Variants in SUGCT observed in about 807,000 individuals in gnomAD.
SUGCT encodes the protein succinyl-CoA:glutarate-CoA transferase.
Under a neutral mutation model 55.0 loss-of-function variants are expected in SUGCT, and 41 were observed. The ratio of observed to expected loss-of-function variants is 0.74; its 90% CI spans 0.58 to 0.97. SUGCT has a LOEUF of 0.97. Ranked by LOEUF, SUGCT falls within the 50% of genes least tolerant of loss-of-function variation. The probability of loss-of-function intolerance (pLI) is 0.00; values close to 1 mark genes in which losing one functional copy is unlikely to be tolerated. For synonymous variants in SUGCT, 187 were observed against 200.4 expected (o/e 0.93, Z 0.56); for missense variants, 568 against 547.8 (o/e 1.04, Z -0.37).
intron 9 of SUGCT, among the ~76,000 whole-genome samples, chr7:40,416,916 G>C: frequency 6.6e-6 from 1 of 151,954 alleles, no homozygotes; most frequent in South Asian, 2.1e-4. Context: ...GGCTTTAATT[G>C]CCTTGATAAT....
At chr7:40,273,590 C>T (rs1030196848) in intron 7 of SUGCT, among the ~76,000 whole-genome samples, 1 of 151,984 alleles carries the variant, frequency 6.6e-6, no homozygotes, top group Non-Finnish European at 1.5e-5. Flanking sequence ...TACATATGGG[C>T]CAAGGATTGG....
chr7:40,873,864 C>T, the SUGCT span, among the ~76,000 whole-genome samples: 1 of 152,154 alleles, frequency 6.6e-6, no homozygotes, highest in Non-Finnish European at 1.5e-5. Context: ...TAAGAAATGC[C>T]AGTGTTGTTG....
chr7:40,899,005 G>T, the SUGCT span, among the ~76,000 whole-genome samples: 1 of 152,124 alleles, frequency 6.6e-6, no homozygotes, highest in African/African-American at 2.4e-5. Context: ...CTACAGCCAC[G>T]TCCGGCTCTT....
At chr7:40,886,724 C>A in the SUGCT span, among the ~76,000 whole-genome samples, 1 of 152,156 alleles carries the variant, frequency 6.6e-6, no homozygotes, top group African/African-American at 2.4e-5. Context: ...TTATTAACTC[C>A]AACAGGCAAG....
chr7:40,404,209 T>A lies in SUGCT; in HGVS notation c.817-45078T>A, dbSNP rs565524184. ...GTGACTTTGAGCAAGTTGCCCAGTT[T>A]TGCTGGGCTTCAGTTTCCTCATCAG... is the stretch of plus-strand genomic sequence containing the variant. On this transcript the variant is annotated intron_variant, in intron 9 of 13. Coordinates refer to ENST00000335693, the MANE Select transcript of SUGCT (RefSeq NM_001193313.2). 1.2e-3 allele frequency among the ~76,000 whole-genome samples: 189 copies of A among 152,300 alleles called. 1 individual carries two copies. Among genetic ancestry groups the A allele is most frequent in the African/African-American group, 4.3e-3 (180 of 41,564 alleles).
Position 40,237,644 on chromosome 7 carries a change from A to G in SUGCT, c.494A>G (p.Gln165Arg). The G allele has an allele frequency of 1.2e-6, 2 of 1,613,898 alleles. No individual in the cohort carries two copies. The highest frequency in any genetic ancestry group is 1.7e-6 in the Non-Finnish European group (2 of 1,179,808). ...IIYCSITGYG[Q>R]TGPISQRAGY... Reference sequence around the variant, plus strand: ...ATTTTTGTTGTTTTAGGGTATGGTCAGACAGGTCCAATTTCTCAGCGAGCT... The same window carrying G: ...ATTTTTGTTGTTTTAGGGTATGGTCGGACAGGTCCAATTTCTCAGCGAGCT... The change falls in exon 7 of 14, where the codon CAG becomes CGG. Residue 165 changes from glutamine (Q) to arginine (R), a missense_variant. Transcript: ENST00000335693.
intron 12 of SUGCT, among the ~76,000 whole-genome samples, chr7:40,660,442 A>G (rs756769533): frequency 4.6e-5 from 7 of 152,102 alleles, no homozygotes; most frequent in Admixed American, 6.5e-5. Flanking sequence ...TATTTTTAGT[A>G]GAGACGGGGT....
intron 9 of SUGCT, among the ~76,000 whole-genome samples, chr7:40,427,719 A>G (rs986579856): frequency 5.3e-5 from 8 of 152,118 alleles, no homozygotes; most frequent in African/African-American, 1.9e-4. Flanking sequence ...AGGAATTCCT[A>G]TGGAGCAAGA....
chr7:40,358,717 A>AAACAACAACAAC (rs71560193), intron 9 of SUGCT, among the ~76,000 whole-genome samples: 5,250 of 150,730 alleles, frequency 0.035, 153 homozygotes, highest in African/African-American at 0.065. Flanking sequence ...TCCATCTCAA[A>AAACAACAACAAC]AACAACAACA....
At chr7:40,266,195 T>TTTG (rs1472932954) in intron 7 of SUGCT, among the ~76,000 whole-genome samples, 1 of 147,586 alleles carries the variant, frequency 6.8e-6, no homozygotes, top group African/African-American at 2.5e-5. Flanking sequence ...CTTTTTTTTT[T>TTTG]TTTTTTGAGG....
At chr7:40,946,619 G>A in the SUGCT span, among the ~76,000 whole-genome samples, 1 of 151,998 alleles carries the variant, frequency 6.6e-6, no homozygotes, top group Non-Finnish European at 1.5e-5. Flanking sequence ...TGTCTTTTAG[G>A]GCAGGTTTGC....
At chr7:41,023,286 C>T in the SUGCT span, among the ~76,000 whole-genome samples, 1 of 152,112 alleles carries the variant, frequency 6.6e-6, no homozygotes, top group South Asian at 2.1e-4. Context: ...ATTACCACAG[C>T]AGAGCATAGC....
rs1396184005 is a variant in SUGCT at position 40,555,324 on chromosome 7, T to A, written c.1089+58938T>A. On this transcript the variant is annotated intron_variant, in intron 12 of 13. Coordinates refer to ENST00000335693, the MANE Select transcript of SUGCT (RefSeq NM_001193313.2). ...GTCTTTTTTTTTTTTTCTCACTGATTAGGCCTCATGGAATTCTGAGCCTCA... is the reference window on the plus strand; with the variant it reads ...GTCTTTTTTTTTTTTTCTCACTGATAAGGCCTCATGGAATTCTGAGCCTCA... 3.3e-4 allele frequency among the ~76,000 whole-genome samples: 50 copies of A among 151,656 alleles called. 1 individual carries two copies. Among genetic ancestry groups the A allele is most frequent in the Admixed American group, 3.2e-3 (49 of 15,222 alleles).
chr7:40,976,468 T>C, the SUGCT span, among the ~76,000 whole-genome samples: 2 of 152,248 alleles, frequency 1.3e-5, no homozygotes. Flanking sequence ...TAGAAGATGT[T>C]GCTATGATTT....
At chr7:40,559,763 T>C (rs1031575192) in intron 12 of SUGCT, among the ~76,000 whole-genome samples, 5 of 152,204 alleles carry the variant, frequency 3.3e-5, no homozygotes, top group Admixed American at 6.5e-5. Context: ...TAAGTATATG[T>C]CATTTATATG....
chr7:40,688,241 C>T (rs1483925344), intron 12 of SUGCT, among the ~76,000 whole-genome samples: 1 of 152,106 alleles, frequency 6.6e-6, no homozygotes, highest in Admixed American at 6.6e-5. Flanking sequence ...CCATTGGAGA[C>T]CCAGTCTTTC....
At chr7:40,906,977 G>A in the SUGCT span, among the ~76,000 whole-genome samples, 1 of 152,160 alleles carries the variant, frequency 6.6e-6, no homozygotes, top group Non-Finnish European at 1.5e-5. Flanking sequence ...AGGAGGTGCT[G>A]TTGTTAAGAG....
intron 12 of SUGCT, among the ~76,000 whole-genome samples, chr7:40,536,940 C>T (rs796835650): frequency 3.9e-5 from 6 of 152,198 alleles, no homozygotes; most frequent in African/African-American, 9.6e-5. Flanking sequence ...AATTAAACAA[C>T]AAAATCTAAA....
chr7:40,971,905 A>G, the SUGCT span, among the ~76,000 whole-genome samples: 1 of 152,156 alleles, frequency 6.6e-6, no homozygotes. Flanking sequence ...GTCTTTGTCA[A>G]TTAATATTTT....
Sources: allele counts gnomAD v4.1 joint callset (sites outside exome capture counted in the v4.1 genomes callset), GRCh38; gene constraint gnomAD v4.1.1; transcripts MANE v1.5; gene names NCBI Gene and HGNC (gene_info 2026-07-23, HGNC 2026-07-21).